The following ADAMTS19 variants were observed in gnomAD, a reference collection of about 807,000 sequenced individuals.
ADAMTS19 encodes the protein A disintegrin and metalloproteinase with thrombospondin motifs 19.
A neutral mutation model predicts 153.3 loss-of-function variants in ADAMTS19; 93 were observed. The observed-to-expected ratio is 0.61, with a 90% confidence interval of 0.51 to 0.72. The LOEUF (loss-of-function observed/expected upper bound fraction) is 0.72, where lower values mean the gene tolerates loss of function less well. Ranked by LOEUF, ADAMTS19 falls within the 30% of genes least tolerant of loss-of-function variation. ADAMTS19 has a pLI of 0.00. For synonymous variants in ADAMTS19, 600 were observed against 556.6 expected, an observed-to-expected ratio of 1.08 and a Z score of -1.10; for missense variants, 1,482 against 1,552.1, an observed-to-expected ratio of 0.95 and a Z score of 0.76.
intron 17 of ADAMTS19, among the ~76,000 whole-genome samples, chr5:129,680,777 A>AC (rs1754772100): frequency 2.9e-5 from 3 of 102,780 alleles, no homozygotes; most frequent in African/African-American, 1.2e-4. Context: ...AAAAAAAAAC[A>AC]AAAAAAAAAA....
intron 19 of ADAMTS19, among the ~76,000 whole-genome samples, chr5:129,698,070 C>T (rs1561655585): frequency 2.0e-5 from 3 of 152,148 alleles, no homozygotes; most frequent in Non-Finnish European, 1.5e-5. Flanking sequence ...TGGAGAAAAA[C>T]GTCTCAATAA....
intron 21 of ADAMTS19, among the ~76,000 whole-genome samples, chr5:129,725,819 G>C (rs1757185535): frequency 6.6e-6 from 1 of 152,038 alleles, no homozygotes; most frequent in Non-Finnish European, 1.5e-5. Flanking sequence ...TCTTGGCTGA[G>C]GGGAGGGGTC....
chr5:129,732,618 A>G (rs901446208), intron 21 of ADAMTS19, among the ~76,000 whole-genome samples: 2 of 152,120 alleles, frequency 1.3e-5, no homozygotes, highest in African/African-American at 4.8e-5. Flanking sequence ...AAGAAGGTGC[A>G]AGACCTCTAC....
At chr5:129,669,163 T>C (rs1414799028) in intron 16 of ADAMTS19, among the ~76,000 whole-genome samples, 1 of 152,060 alleles carries the variant, frequency 6.6e-6, no homozygotes, top group Non-Finnish European at 1.5e-5. Flanking sequence ...AGTCTTTTTC[T>C]CCGGTGGTGC....
rs534560819 is a variant in ADAMTS19, at chr5:129,577,943, A to G, written c.1373-18616A>G. ...TATACATTTATTTTATAATTCATTG[A>G]TTTTCCTCTTTTTTACTTCCTTTTA... On this transcript the variant is annotated intron_variant, in intron 7 of 22. Coordinates refer to ENST00000274487, the MANE Select transcript of ADAMTS19 (RefSeq NM_133638.6). Among the ~76,000 whole-genome samples the G allele has an allele frequency of 2.8e-4, 42 of 147,616 alleles. No homozygotes were observed. In the South Asian group the frequency reaches 4.7e-3, roughly 17 times the overall value.
chr5:129,684,841 G>A (rs2127128778), intron 18 of ADAMTS19, among the ~76,000 whole-genome samples: 1 of 152,148 alleles, frequency 6.6e-6, no homozygotes, highest in East Asian at 1.9e-4. Flanking sequence ...CAAAAAATTA[G>A]CCGGGTGTGG....
intron 7 of ADAMTS19, among the ~76,000 whole-genome samples, chr5:129,588,345 GT>G (rs1317746576): frequency 6.6e-6 from 1 of 152,070 alleles, no homozygotes; most frequent in African/African-American, 2.4e-5. Context: ...TGTATAGGTA[GT>G]AAGTGTTGTT....
chr5:129,650,719 T>A (rs560841734), intron 13 of ADAMTS19, among the ~76,000 whole-genome samples: 2 of 152,264 alleles, frequency 1.3e-5, no homozygotes, highest in East Asian at 1.9e-4. Flanking sequence ...CTGTTTTGGA[T>A]CATTCACATT....
At chr5:129,629,298 AG>A (rs1207344422) in intron 10 of ADAMTS19, among the ~76,000 whole-genome samples, 3 of 152,140 alleles carry the variant, frequency 2.0e-5, no homozygotes, top group Non-Finnish European at 4.4e-5. Flanking sequence ...GCTATAGGGC[AG>A]GTATCTTGTT....
chr5:129,649,118 C>A (rs1753200833), intron 13 of ADAMTS19, 148 bp downstream of exon 13: 2 of 672,886 alleles, frequency 3.0e-6, no homozygotes, highest in Non-Finnish European at 4.8e-6. Flanking sequence ...ATAATAACCA[C>A]AAGCACTGAC....
chr5:129,662,009 T>C (rs1486845210), intron 15 of ADAMTS19, among the ~76,000 whole-genome samples: 2 of 152,184 alleles, frequency 1.3e-5, no homozygotes, highest in Admixed American at 6.5e-5. Flanking sequence ...TTACTGACAA[T>C]GCAGTGTTGG....
chr5:129,472,066 C>A (rs1750086106), intron 2 of ADAMTS19, among the ~76,000 whole-genome samples: 1 of 152,138 alleles, frequency 6.6e-6, no homozygotes, highest in Non-Finnish European at 1.5e-5. Context: ...TGGGTATATA[C>A]CCAGTAATGG....
chr5:129,582,667 G>T (rs1376831269), intron 7 of ADAMTS19, among the ~76,000 whole-genome samples: 1 of 152,012 alleles, frequency 6.6e-6, no homozygotes, highest in Non-Finnish European at 1.5e-5. Context: ...CCGCCTCCCA[G>T]GTTCATGCCA....
chr5:129,579,359 T>C (rs778006369), intron 7 of ADAMTS19, among the ~76,000 whole-genome samples: 49 of 152,356 alleles, frequency 3.2e-4, no homozygotes, highest in Non-Finnish European at 6.2e-4. Flanking sequence ...GATGGATAGA[T>C]TGCAAAAATG....
At chr5:129,687,332 A>G (rs1234119254) in intron 18 of ADAMTS19, among the ~76,000 whole-genome samples, 1 of 152,172 alleles carries the variant, frequency 6.6e-6, no homozygotes, top group Non-Finnish European at 1.5e-5. Context: ...AACTCTAGAC[A>G]GGAAAATGTT....
rs771090813 is a variant in ADAMTS19 at position 129,461,066 on chromosome 5, C to T, written c.92-36C>T. 4.2e-5 allele frequency: 56 copies of T among 1,343,082 alleles called. No individual in the cohort carries two copies. Among genetic ancestry groups the T allele is most frequent in the Non-Finnish European group, 5.0e-5 (53 of 1,052,490 alleles). The allele number at this position is 1,343,082 out of a possible 1,614,324, so 83.2% of individuals were successfully genotyped here. On this transcript the variant is annotated intron_variant, in intron 1 of 22. Coordinates refer to ENST00000274487, the MANE Select transcript of ADAMTS19 (RefSeq NM_133638.6). This position sits in a 1 kb window ranked among gnomAD's most constrained non-coding sequence, Gnocchi z 4.6. Reference sequence around the variant, plus strand: ...TGTTTGTGCTACTGGAACCGCGGCACTTTAAGCCCCGCACTTCTGTCTGCC... The same window carrying T: ...TGTTTGTGCTACTGGAACCGCGGCATTTTAAGCCCCGCACTTCTGTCTGCC...
intron 13 of ADAMTS19, among the ~76,000 whole-genome samples, chr5:129,653,604 A>T (rs1753411529): frequency 6.6e-6 from 1 of 152,202 alleles, no homozygotes; most frequent in Admixed American, 6.5e-5. Flanking sequence ...CAGAGTTCTC[A>T]CTAGCACATC....
At chr5:129,604,559 A>G (rs1348071848) in intron 8 of ADAMTS19, among the ~76,000 whole-genome samples, 1 of 152,238 alleles carries the variant, frequency 6.6e-6, no homozygotes, top group Non-Finnish European at 1.5e-5. Flanking sequence ...TGCATTTGAC[A>G]GTGCATAAGA....
At chr5:129,522,312 T>TAC (rs1301413340) in intron 3 of ADAMTS19, among the ~76,000 whole-genome samples, 13 of 95,260 alleles carry the variant, frequency 1.4e-4, no homozygotes, top group African/African-American at 5.2e-4. Context: ...TATATATATA[T>TAC]ATATACACAC....
Sources: gnomAD v4.1 joint callset for allele counts (sites outside exome capture counted in the v4.1 genomes callset) on GRCh38, gnomAD v4.1.1 for gene constraint, Gnocchi (gnomAD v3.1) non-coding constraint, MANE v1.5 for transcripts, NCBI Gene and HGNC (gene_info 2026-07-23, HGNC 2026-07-21) for gene names.